TBC1D10A: variants seen among roughly 807,000 people sequenced by gnomAD.
TBC1D10A encodes the protein TBC1 domain family member 10A, also known as EBP50-PDX interactor of 64 kDa.
TBC1D10A carries 24 observed loss-of-function variants against 52.9 expected under a neutral mutation model. The observed-to-expected ratio is 0.45, with a 90% CI of 0.33 to 0.64. The LOEUF (loss-of-function observed/expected upper bound fraction) is 0.64. Among genes scored for constraint, TBC1D10A ranks in the 30% least tolerant of loss-of-function variants. The pLI is 0.02. For synonymous variants in TBC1D10A, 278 were observed against 282.9 expected, an observed-to-expected ratio of 0.98 and a Z score of 0.17; for missense variants, 602 against 687.9, an observed-to-expected ratio of 0.88 and a Z score of 1.40.
chr22:30,293,787 C>A lies in TBC1D10A; in HGVS notation c.914G>T (p.Arg305Leu), dbSNP rs746151336. The A allele has an allele frequency of 6.2e-7, 1 of 1,611,816 alleles. No individual in the cohort carries two copies. Among genetic ancestry groups the A allele is most frequent in the Non-Finnish European group, 8.5e-7 (1 of 1,178,530 alleles). ...GTGCTTCAGCAGCACCAGCCCCACC[C>A]GGAAGATGATCTTGACCCCTGCATG... The part of the protein sequence containing the change: ...FFCEGVKIIF[R>L]VGLVLLKHAL... The change falls in exon 8 of 9, where the codon CGG becomes CTG. Residue 305 changes from arginine to leucine, a missense_variant. Coordinates refer to ENST00000215790, the MANE Select transcript of TBC1D10A (RefSeq NM_031937.3).
chr22:30,293,817 A>G lies in TBC1D10A; in HGVS notation c.896-12T>C. The G allele has an allele frequency of 6.2e-7, 1 of 1,606,216 alleles. No individual in the cohort carries two copies. Among genetic ancestry groups the G allele is most frequent in the Non-Finnish European group, 8.5e-7 (1 of 1,174,012 alleles). The stretch of plus-strand genomic sequence containing the variant: ...GATGATCTTGACCCCTGCATGGGGG[A>G]TGGGCAGTAAGTACAAGGAAGCTTT... On this transcript the variant is annotated splice_polypyrimidine_tract_variant and intron_variant, in intron 7 of 8. Coordinates refer to ENST00000215790, the MANE Select transcript of TBC1D10A (RefSeq NM_031937.3).
intron 2 of TBC1D10A, chr22:30,300,650 G>A (rs1930184135): frequency 6.6e-6 from 1 of 152,152 alleles, no homozygotes; most frequent in Non-Finnish European, 1.5e-5. Context: ...CATGTGGCAG[G>A]ATACCGCCAG....
intron 1 of TBC1D10A, among the ~76,000 whole-genome samples, chr22:30,320,341 C>T (rs969476583): frequency 6.6e-6 from 1 of 152,042 alleles, no homozygotes; most frequent in Admixed American, 6.6e-5. Context: ...CCTGCTCTGC[C>T]CTCCATACTG....
intron 1 of TBC1D10A, among the ~76,000 whole-genome samples, chr22:30,308,213 T>G (rs910144719): frequency 2.0e-5 from 3 of 150,562 alleles, no homozygotes; most frequent in African/African-American, 7.4e-5. Context: ...ACTCTACAGC[T>G]CATGCTCTTG....
chr22:30,301,846 A>T (rs924862946), intron 2 of TBC1D10A, among the ~76,000 whole-genome samples: 2 of 152,214 alleles, frequency 1.3e-5, no homozygotes, highest in African/African-American at 4.8e-5. Context: ...CCTAGAAAGG[A>T]GGCAGAGGAA....
intron 1 of TBC1D10A, among the ~76,000 whole-genome samples, chr22:30,322,027 T>G (rs1930664285): frequency 6.7e-6 from 1 of 149,088 alleles, no homozygotes; most frequent in Non-Finnish European, 1.5e-5. Context: ...TCACCCAGAC[T>G]GGAGTACAGT....
Position 30,294,779 on chromosome 22 carries a change from G to A in TBC1D10A, c.705+17C>T, listed in dbSNP as rs747680324. On this transcript the variant is annotated intron_variant, in intron 6 of 8. Transcript: ENST00000215790. ...GGTGTCCAGCCCAGGGCAAGTCCCA[G>A]GCCAGGCGACACTCACCAGTTTCTC... The A allele has an allele frequency of 4.3e-6, 7 of 1,614,070 alleles. No individual in the cohort carries two copies. Among genetic ancestry groups the A allele is most frequent in the South Asian group, 1.1e-5 (1 of 91,084 alleles).
rs151164260 is a variant in TBC1D10A, at chr22:30,324,782, C to T, written c.209+1891G>A. ...TGTTGGGAAGTGGGTGTTACTGTCG[C>T]CCTTTACAGTGAGTAAACAGGCTCA... On this transcript the variant is annotated intron_variant, in intron 1 of 8. Coordinates refer to ENST00000215790, the MANE Select transcript of TBC1D10A (RefSeq NM_031937.3). Among the ~76,000 whole-genome samples, 227 of 152,280 alleles carry T rather than the reference C, an allele frequency of 1.5e-3. 1 individual carries two copies. The highest frequency in any genetic ancestry group is 5.3e-3 in the African/African-American group (219 of 41,540).
chr22:30,295,838 C>T lies in TBC1D10A; in HGVS notation c.423G>A (p.Leu141=). The change falls in exon 4 of 9, where the codon CTG becomes CTA. Residue 141 remains leucine, a synonymous_variant. Coordinates refer to ENST00000215790, the MANE Select transcript of TBC1D10A (RefSeq NM_031937.3). ...LQQNPGKFDE[L]DMSPGDPKWL... ...ACTTGGGGTCCCCAGGGGACATGTCCAGCTCCTAGAAGCAAGGGCACAAAT... is the reference window on the plus strand; with the variant it reads ...ACTTGGGGTCCCCAGGGGACATGTCTAGCTCCTAGAAGCAAGGGCACAAAT... 6 of 1,612,842 alleles carry T rather than the reference C, an allele frequency of 3.7e-6. No individual in the cohort carries two copies. The highest frequency in any genetic ancestry group is 4.5e-5 in the East Asian group (2 of 44,850).
At chr22:30,294,912 C>T in intron 5 of TBC1D10A, 29 bp downstream of exon 5, 1 of 1,614,052 alleles carries the variant, frequency 6.2e-7, no homozygotes, top group Non-Finnish European at 8.5e-7. Flanking sequence ...CCCCACCCAC[C>T]CCCCTGCCTG....
chr22:30,308,585 A>T (rs1930366531), intron 1 of TBC1D10A, among the ~76,000 whole-genome samples: 1 of 152,140 alleles, frequency 6.6e-6, no homozygotes, highest in Non-Finnish European at 1.5e-5. Context: ...AGCCCCTAAA[A>T]CTGATTTCAG....
At chr22:30,312,583 A>G (rs530754394) in intron 1 of TBC1D10A, among the ~76,000 whole-genome samples, 23 of 152,232 alleles carry the variant, frequency 1.5e-4, no homozygotes, top group African/African-American at 5.5e-4. Context: ...ACAACAACAA[A>G]AACAACACAA....
chr22:30,299,225 T>C, intron 3 of TBC1D10A: 1 of 518,408 alleles, frequency 1.9e-6, no homozygotes, highest in Admixed American at 3.4e-5. Flanking sequence ...TGAGGGCTGC[T>C]CAGGGCTGGA....
At chr22:30,311,494 G>C (rs1173177498) in intron 1 of TBC1D10A, among the ~76,000 whole-genome samples, 2 of 152,144 alleles carry the variant, frequency 1.3e-5, no homozygotes, top group African/African-American at 4.8e-5. Flanking sequence ...TCCCAATGCA[G>C]GCTAATTCTG....
chr22:30,296,067 C>G (rs1405524627), intron 3 of TBC1D10A: 5 of 557,874 alleles, frequency 9.0e-6, no homozygotes, highest in Non-Finnish European at 1.6e-5. Context: ...AAACCTTAAA[C>G]CTGGCTCTAG....
Position 30,304,691 on chromosome 22 carries a change from T to C in TBC1D10A, c.210-61A>G, listed in dbSNP as rs550237738. 13 of 1,587,372 alleles carry C rather than the reference T, an allele frequency of 8.2e-6. No homozygotes were observed. In the African/African-American group the frequency reaches 1.5e-4, roughly 18 times the overall value. On this transcript the variant is annotated intron_variant, in intron 1 of 8. Transcript: ENST00000215790. ...AAGGGAAGCAAAGGCCCTGGCTTCA[T>C]TCCCAGCCGCCAGCCTGGTCAGACC...
At chr22:30,313,156 A>G (rs1164144814) in intron 1 of TBC1D10A, among the ~76,000 whole-genome samples, 1 of 152,186 alleles carries the variant, frequency 6.6e-6, no homozygotes, top group Non-Finnish European at 1.5e-5. Context: ...GCTAGTTAAT[A>G]GGAGAGGGAA....
At chr22:30,295,208 A>G (rs532717431) in intron 4 of TBC1D10A, among the ~76,000 whole-genome samples, 153 bp from the exon 5 acceptor site, 1 of 152,266 alleles carries the variant, frequency 6.6e-6, no homozygotes, top group South Asian at 2.1e-4. Flanking sequence ...TCAGTCTCCT[A>G]CTGGAGCACA....
chr22:30,293,155 C>T, intron 8 of TBC1D10A: 1 of 635,506 alleles, frequency 1.6e-6, no homozygotes, highest in Non-Finnish European at 2.9e-6. Context: ...TGCTCTCTGC[C>T]AACCTGTCAC....
Sources: gnomAD v4.1 joint callset for allele counts (sites outside exome capture counted in the v4.1 genomes callset) on GRCh38, gnomAD v4.1.1 for gene constraint, MANE v1.5 for transcripts, NCBI Gene and HGNC (gene_info 2026-07-23, HGNC 2026-07-21) for gene names.